STK32C: variants seen among roughly 807,000 people sequenced by gnomAD.
The protein encoded by STK32C is serine/threonine kinase 32C, also known as serine/threonine-protein kinase 32C.
A neutral mutation model predicts 56.5 loss-of-function variants in STK32C; 31 were observed. That is an observed-to-expected ratio of 0.55 (90% CI 0.41 to 0.74). STK32C has a LOEUF of 0.74. STK32C is among the 30% of genes least tolerant of loss of function. The pLI, the probability that STK32C is intolerant of heterozygous loss-of-function variation, is 0.00. For missense variants in STK32C, 544 were observed against 676.9 expected, an observed-to-expected ratio of 0.80 and a Z score of 2.18; for synonymous variants, 309 against 289.4, an observed-to-expected ratio of 1.07 and a Z score of -0.69.
At chr10:132,302,462 G>A (rs2065936351) in intron 1 of STK32C, among the ~76,000 whole-genome samples, 1 of 152,208 alleles carries the variant, frequency 6.6e-6, no homozygotes, top group Admixed American at 6.5e-5. Context: ...AGGACACCCG[G>A]TGCTGGGCCC....
chr10:132,253,743 G>A (rs902326012), intron 1 of STK32C, among the ~76,000 whole-genome samples: 5 of 152,204 alleles, frequency 3.3e-5, no homozygotes, highest in African/African-American at 7.2e-5. Flanking sequence ...ACACCGGCTC[G>A]AGGCGAGAGA....
chr10:132,265,123 T>TGGGCTCTGGGGGA (rs1565125566), intron 1 of STK32C, among the ~76,000 whole-genome samples: 17 of 63,388 alleles, frequency 2.7e-4, no homozygotes, highest in Admixed American at 5.8e-4. Flanking sequence ...GCTCTGGGGG[T>TGGGCTCTGGGGGA]GCCGCAAGGG....
upstream of STK32C, among the ~76,000 whole-genome samples, chr10:132,311,199 G>T (rs1014031698): frequency 6.6e-6 from 1 of 152,122 alleles, no homozygotes; most frequent in Non-Finnish European, 1.5e-5. The surrounding 1 kb of genome is among the most constrained non-coding windows in gnomAD (Gnocchi z 4.4). Flanking sequence ...TCATCATTAT[G>T]AAATTAACAC....
chr10:132,268,632 TGTGTGTGTGTCG>T, intron 1 of STK32C, among the ~76,000 whole-genome samples: 1 of 148,498 alleles, frequency 6.7e-6, no homozygotes, highest in East Asian at 2.0e-4. Context: ...CCACATTGTG[TGTGTGTGTGTCG>T]GTGTGTGTGC....
At chr10:132,271,710 G>A in intron 1 of STK32C, among the ~76,000 whole-genome samples, 1 of 152,218 alleles carries the variant, frequency 6.6e-6, no homozygotes, top group Middle Eastern at 3.2e-3. Flanking sequence ...ACACATCGGA[G>A]TGACCTGGGA....
chr10:132,256,573 GT>G (rs1231431102), intron 1 of STK32C, among the ~76,000 whole-genome samples: 1 of 152,194 alleles, frequency 6.6e-6, no homozygotes, highest in African/African-American at 2.4e-5. Context: ...GACCGCAGGA[GT>G]CGCCCACGGC....
rs748542287 is a variant in STK32C at position 132,208,070 on chromosome 10, C to T, written c.1401G>A (p.Glu467=). The T allele has an allele frequency of 2.3e-6, 3 of 1,310,984 alleles. No homozygotes were observed. Among genetic ancestry groups the T allele is most frequent in the Middle Eastern group, 2.1e-4 (1 of 4,732 alleles). 81.2% of individuals were successfully genotyped at this position (1,310,984 alleles called of 1,614,324 possible). The change falls in exon 12 of 12, where the codon GAG becomes GAA. Residue 467 remains glutamate (E), a synonymous_variant. Coordinates refer to ENST00000298630, the MANE Select transcript of STK32C (RefSeq NM_173575.4). ...ACATGGGCAGGGCGGAGCGTTCCGCCTCGTCCTCCACAGGCTCCGCAGCAT... is the reference window on the plus strand; with the variant it reads ...ACATGGGCAGGGCGGAGCGTTCCGCTTCGTCCTCCACAGGCTCCGCAGCAT... ...SRDAAEPVED[E]AERSALPMCG...
chr10:132,307,530 A>T lies in STK32C; in HGVS notation c.262+42T>A. On this transcript the variant is annotated intron_variant, in intron 1 of 11. Transcript: ENST00000298630. The surrounding 1 kb of genome is among the most constrained non-coding windows in gnomAD (Gnocchi z 4.4). Reference sequence around the variant, plus strand: ...GCCGCCCAGCCGCGCCCGCCCCTGCAATAGCGCGCGGCCCCCACGTCGTCC... The same window carrying T: ...GCCGCCCAGCCGCGCCCGCCCCTGCTATAGCGCGCGGCCCCCACGTCGTCC... 1 of 1,516,368 alleles carries T rather than the reference A, an allele frequency of 6.6e-7. No individual in the cohort carries two copies. The highest frequency in any genetic ancestry group is 8.8e-7 in the Non-Finnish European group (1 of 1,131,662). 93.9% of individuals were successfully genotyped at this position (1,516,368 alleles called of 1,614,324 possible).
At chr10:132,306,138 A>G (rs1457081471) in intron 1 of STK32C, among the ~76,000 whole-genome samples, 1 of 152,210 alleles carries the variant, frequency 6.6e-6, no homozygotes, top group Non-Finnish European at 1.5e-5. Flanking sequence ...AAGGCAGCCC[A>G]GTGCCACACC....
chr10:132,208,613 C>G (rs2062182681), intron 11 of STK32C, among the ~76,000 whole-genome samples: 1 of 152,186 alleles, frequency 6.6e-6, no homozygotes. Context: ...TTGGGCCCCA[C>G]CGTGGCAGCT....
At position 132,225,348 on chromosome 10, in the gene STK32C, A is replaced by C; in HGVS notation, c.773-12T>G. The C allele has an allele frequency of 6.2e-7, 1 of 1,602,694 alleles. No individual in the cohort carries two copies. Among genetic ancestry groups the C allele is most frequent in the Admixed American group, 1.7e-5 (1 of 58,444 alleles). ...GAAGATCTCCGGAGCTTTCCGACAG[A>C]AAGAAGGAAAAACAGCTGCCACGGG... is the stretch of plus-strand genomic sequence containing the variant. On this transcript the variant is annotated splice_polypyrimidine_tract_variant and intron_variant, in intron 6 of 11. Transcript: ENST00000298630.
intron 2 of STK32C, among the ~76,000 whole-genome samples, chr10:132,228,799 A>G (rs956005004): frequency 6.6e-6 from 1 of 152,154 alleles, no homozygotes. Flanking sequence ...CACTCCAGAG[A>G]CCGACTCCCG....
At chr10:132,256,411 G>T (rs2064124073) in intron 1 of STK32C, among the ~76,000 whole-genome samples, 1 of 152,170 alleles carries the variant, frequency 6.6e-6, no homozygotes, top group Admixed American at 6.5e-5. Flanking sequence ...GTCCTGTCTG[G>T]TCTGAAATTG....
At chr10:132,245,805 G>T in intron 2 of STK32C, 95 bp downstream of exon 2, 2 of 1,258,752 alleles carry the variant, frequency 1.6e-6, no homozygotes, top group South Asian at 1.2e-5. Flanking sequence ...CTCCCAAGGA[G>T]GATGGGAGTA....
intron 1 of STK32C, among the ~76,000 whole-genome samples, chr10:132,287,419 A>AG (rs112650711): frequency 1 from 150,882 of 150,886 alleles, 75,439 homozygotes; most frequent in Middle Eastern, 1. Context: ...TGAACCCGGG[A>AG]GTGGAGGCTA....
At chr10:132,301,615 C>T (rs111474221) in intron 1 of STK32C, among the ~76,000 whole-genome samples, 40 of 152,338 alleles carry the variant, frequency 2.6e-4, no homozygotes, top group African/African-American at 9.6e-4. Flanking sequence ...TACCCTGCCT[C>T]AGATCCGGGT....
chr10:132,283,265 G>A (rs2065271812), intron 1 of STK32C, among the ~76,000 whole-genome samples: 1 of 151,830 alleles, frequency 6.6e-6, no homozygotes, highest in South Asian at 2.1e-4. Context: ...GCAACACGCT[G>A]ATCAGTGGCT....
At chr10:132,248,691 A>AG (rs1217586322) in intron 1 of STK32C, among the ~76,000 whole-genome samples, 1 of 152,230 alleles carries the variant, frequency 6.6e-6, no homozygotes, top group Non-Finnish European at 1.5e-5. Flanking sequence ...CTGCTGTGCC[A>AG]GGCCCCTGAC....
intron 1 of STK32C, among the ~76,000 whole-genome samples, chr10:132,282,390 AAG>A (rs1229604325): frequency 6.6e-6 from 1 of 152,042 alleles, no homozygotes; most frequent in African/African-American, 2.4e-5. Context: ...GTGGCTGATG[AAG>A]AGGGCAGTGC....
Sources: allele counts gnomAD v4.1 joint callset (sites outside exome capture counted in the v4.1 genomes callset), GRCh38; gene constraint gnomAD v4.1.1; non-coding constraint Gnocchi (gnomAD v3.1); transcripts MANE v1.5; gene names NCBI Gene and HGNC (gene_info 2026-07-23, HGNC 2026-07-21).